The following AAK1 variants were observed in gnomAD, a reference collection of about 807,000 sequenced individuals.
AAK1 encodes AP2-associated protein kinase 1.
A neutral mutation model predicts 116.0 loss-of-function variants in AAK1; 37 were observed. The observed-to-expected ratio is 0.32, with a 90% CI of 0.25 to 0.42. AAK1 has a LOEUF of 0.42. AAK1 is among the 10% of genes least tolerant of loss of function. The pLI is 1.00. For synonymous variants in AAK1, 458 were observed against 439.9 expected, an observed-to-expected ratio of 1.04 and a Z score of -0.51; for missense variants, 919 against 1,170.6, an observed-to-expected ratio of 0.79 and a Z score of 3.14.
At chr2:69,535,572 G>A (rs926386033) in intron 5 of AAK1, among the ~76,000 whole-genome samples, 9 of 152,096 alleles carry the variant, frequency 5.9e-5, no homozygotes, top group African/African-American at 9.7e-5. Context: ...AGGTGAAGAC[G>A]AATGTTATTT....
At chr2:69,549,308 G>A (rs1425865915) in intron 3 of AAK1, among the ~76,000 whole-genome samples, 2 of 152,194 alleles carry the variant, frequency 1.3e-5, no homozygotes, top group Non-Finnish European at 2.9e-5. Context: ...GGTGGAGGTT[G>A]CAGTGAGCCG....
At chr2:69,549,121 C>G (rs1671063141) in intron 3 of AAK1, among the ~76,000 whole-genome samples, 1 of 152,074 alleles carries the variant, frequency 6.6e-6, no homozygotes, top group Non-Finnish European at 1.5e-5. Context: ...GTAATCCCAG[C>G]ACTTTGGGAG....
At chr2:69,564,487 G>A (rs1213319383) in intron 2 of AAK1, among the ~76,000 whole-genome samples, 1 of 151,914 alleles carries the variant, frequency 6.6e-6, no homozygotes, top group East Asian at 1.9e-4. Flanking sequence ...TACAGCTCTA[G>A]GTATAAGTAT....
chr2:69,613,496 A>G (rs1674181650), intron 2 of AAK1, among the ~76,000 whole-genome samples: 2 of 152,272 alleles, frequency 1.3e-5, no homozygotes, highest in African/African-American at 4.8e-5. Flanking sequence ...GCTGGTTGGC[A>G]GGGAACTCAA....
rs572569638 is a variant in AAK1, at chr2:69,463,993, C to G, written c.*11876G>C. The G allele has an allele frequency of 2.6e-5, 4 of 152,648 alleles. No individual in the cohort carries two copies. Among genetic ancestry groups the G allele is most frequent in the Admixed American group, 2.6e-4 (4 of 15,288 alleles). 9.5% of individuals were successfully genotyped at this position (152,648 alleles called of 1,614,324 possible). A position where few individuals can be genotyped will look rare whatever the true frequency, so the allele number is the denominator to read the frequency against. ...CTAATAATAAAGGGTATGAAAAAAG[C>G]TAGGAATAAGTCAGATCTTTCCAGA... On this transcript the variant is annotated 3_prime_UTR_variant, in exon 22 of 22. Transcript: ENST00000409085.
At chr2:69,540,368 G>A (rs891814730) in intron 5 of AAK1, among the ~76,000 whole-genome samples, 3 of 152,114 alleles carry the variant, frequency 2.0e-5, no homozygotes, top group Non-Finnish European at 2.9e-5. Flanking sequence ...TGATCCACCC[G>A]CCTCAGCCTC....
intron 19 of AAK1, among the ~76,000 whole-genome samples, chr2:69,479,378 CTTAACA>C (rs1458836682): frequency 6.6e-6 from 1 of 152,140 alleles, no homozygotes; most frequent in African/African-American, 2.4e-5. Flanking sequence ...CTAGATTCCT[CTTAACA>C]TTAACATAGA....
chr2:69,519,304 C>A, intron 11 of AAK1, 64 bp from the exon 12 acceptor site: 1 of 1,466,926 alleles, frequency 6.8e-7, no homozygotes, highest in Non-Finnish European at 9.0e-7. Context: ...GGCTTTCTGT[C>A]TTGCCAAAAC....
At position 69,471,800 on chromosome 2, in the gene AAK1, T is replaced by G. The variant is rs978568764; in HGVS notation, c.*4069A>C. On this transcript the variant is annotated 3_prime_UTR_variant, in exon 22 of 22. Coordinates refer to ENST00000409085, the MANE Select transcript of AAK1 (RefSeq NM_014911.5). ...GATCCCTTCATTCCCACAGCACTGC[T>G]GAAGGCAGAACTGTTCCTAACCTGG... The G allele has an allele frequency of 1.0e-6, 1 of 985,376 alleles. No homozygotes were observed. The highest frequency in any genetic ancestry group is 1.2e-6 in the Non-Finnish European group (1 of 829,958). The allele number at this position is 985,376 out of a possible 1,614,324, so 61.0% of individuals were successfully genotyped here.
At chr2:69,512,543 C>T (rs4852799) in intron 13 of AAK1, among the ~76,000 whole-genome samples, 55,906 of 152,052 alleles carry the variant, frequency 0.37, 10,840 homozygotes, top group East Asian at 0.53. Context: ...ATGGCCATTT[C>T]CCCTTTGCTA....
chr2:69,635,650 T>C (rs1675411717), intron 2 of AAK1, among the ~76,000 whole-genome samples: 1 of 152,280 alleles, frequency 6.6e-6, no homozygotes, highest in Admixed American at 6.5e-5. Flanking sequence ...CAAATGAACC[T>C]TGAGGACATT....
chr2:69,514,201 A>G (rs996158490), intron 13 of AAK1, among the ~76,000 whole-genome samples: 1 of 152,222 alleles, frequency 6.6e-6, no homozygotes, highest in African/African-American at 2.4e-5. Flanking sequence ...GATGATGAAC[A>G]GATCTTCCTG....
chr2:69,538,656 CG>C (rs1321087486), intron 5 of AAK1, among the ~76,000 whole-genome samples: 5 of 152,176 alleles, frequency 3.3e-5, no homozygotes, highest in Non-Finnish European at 7.4e-5. Flanking sequence ...CCAAGGCAGG[CG>C]GATCACTTGA....
At chr2:69,509,197 G>C in intron 14 of AAK1, 34 bp downstream of exon 14, 1 of 1,595,532 alleles carries the variant, frequency 6.3e-7, no homozygotes, top group Non-Finnish European at 8.6e-7. Context: ...TTTGCCCACA[G>C]AGGTAAGAAC....
chr2:69,632,809 G>C (rs936665424), intron 2 of AAK1, among the ~76,000 whole-genome samples: 1 of 151,066 alleles, frequency 6.6e-6, no homozygotes, highest in African/African-American at 2.4e-5. Flanking sequence ...CGAGGCGAGT[G>C]GATCACGAGG....
intron 17 of AAK1, among the ~76,000 whole-genome samples, chr2:69,485,530 C>T (rs903190793): frequency 5.3e-5 from 8 of 152,058 alleles, no homozygotes; most frequent in African/African-American, 1.9e-4. Context: ...TTAAGCATGA[C>T]TGAAGGTAAG....
intron 17 of AAK1, among the ~76,000 whole-genome samples, chr2:69,490,668 T>C (rs1177719812): frequency 6.6e-6 from 1 of 150,968 alleles, no homozygotes; most frequent in Non-Finnish European, 1.5e-5. Context: ...GGAGGGGAAA[T>C]AGAGAGTTGT....
Position 69,474,947 on chromosome 2 carries a change from AC to A in AAK1, c.*921del. ...CAAGAAAAATACATCTGTTTCTGCT[AC>A]AATTCCTTCCCCTCCCCATCCTCCC... On this transcript the variant is annotated 3_prime_UTR_variant, in exon 22 of 22. Transcript: ENST00000409085. The A allele has an allele frequency of 3.1e-6, 3 of 982,546 alleles. No homozygotes were observed. The highest frequency in any genetic ancestry group is 3.6e-6 in the Non-Finnish European group (3 of 827,402). 60.9% of individuals were successfully genotyped at this position (982,546 alleles called of 1,614,324 possible). A position where few individuals can be genotyped will look rare whatever the true frequency, so the allele number is the denominator to read the frequency against.
chr2:69,498,243 T>C (rs899324904), intron 16 of AAK1, among the ~76,000 whole-genome samples: 1 of 152,238 alleles, frequency 6.6e-6, no homozygotes, highest in Non-Finnish European at 1.5e-5. Context: ...GTGTTCTGTC[T>C]GTAAAACAGG....
Sources: allele counts gnomAD v4.1 joint callset (sites outside exome capture counted in the v4.1 genomes callset), GRCh38; gene constraint gnomAD v4.1.1; transcripts MANE v1.5; gene names NCBI Gene and HGNC (gene_info 2026-07-23, HGNC 2026-07-21).